The following PCDH19 variants were observed in gnomAD, a reference collection of about 807,000 sequenced individuals.
The protein encoded by PCDH19 is protocadherin 19.
PCDH19 carries 6 observed loss-of-function variants against 46.2 expected under a neutral mutation model. That is an observed-to-expected ratio of 0.13 (90% confidence interval 0.07 to 0.26). The LOEUF (loss-of-function observed/expected upper bound fraction) is 0.26. Among genes scored for constraint, PCDH19 ranks in the 10% least tolerant of loss-of-function variants. The pLI, the probability that PCDH19 is intolerant of heterozygous loss-of-function variation, is 1.00. For missense variants in PCDH19, 740 were observed against 972.3 expected, an observed-to-expected ratio of 0.76 and a Z score of 3.18; for synonymous variants, 481 against 415.7, an observed-to-expected ratio of 1.16 and a Z score of -1.91.
chrX:100,340,198 T>C (rs1301191088), intron 5 of PCDH19, among the ~76,000 whole-genome samples: 1 of 111,868 alleles, frequency 8.9e-6, no homozygotes, highest in Non-Finnish European at 1.9e-5. Flanking sequence ...ACAGTACACA[T>C]ATATAGATAT....
intron 3 of PCDH19, among the ~76,000 whole-genome samples, chrX:100,386,090 T>C (rs779784591): frequency 1.8e-5 from 2 of 111,819 alleles, no homozygotes; most frequent in South Asian, 3.8e-4. Flanking sequence ...TTAGTATTGG[T>C]TGCAGGGAGC....
chrX:100,408,475 G>C lies in PCDH19; in HGVS notation c.123C>G (p.Asn41Lys). Residue 41 changes from asparagine to lysine, a missense_variant, in exon 1 of 6, where the codon AAC becomes AAG. By Grantham distance (94) the Asn-to-Lys change is moderately conservative. Transcript: ENST00000373034. The stretch of plus-strand genomic sequence containing the variant: ...CCGCCTCTCGCGCGTCTTTGGCCAC[G>C]TTGGCAATCACCGTCCCGGCGCGCT... ...EEQRAGTVIANVAKDAREAGF... is the reference protein window; with the variant it reads ...EEQRAGTVIAKVAKDAREAGF... 1 of 1,205,169 alleles carries C rather than the reference G, an allele frequency of 8.3e-7. No homozygotes were observed. The highest frequency in any genetic ancestry group is 1.1e-6 in the Non-Finnish European group (1 of 894,050).
At chrX:100,339,300 T>C (rs1014751335) in intron 5 of PCDH19, among the ~76,000 whole-genome samples, 15 of 111,959 alleles carry the variant, frequency 1.3e-4, no homozygotes, top group African/African-American at 4.5e-4. Context: ...GACTAGTTTT[T>C]TTCTCCTCAA....
At chrX:100,334,488 C>T (rs1165081185) in intron 5 of PCDH19, among the ~76,000 whole-genome samples, 5 of 111,316 alleles carry the variant, frequency 4.5e-5, no homozygotes, top group African/African-American at 1.3e-4. Flanking sequence ...CCCATAAACC[C>T]CAATCTCATA....
chrX:100,345,152 G>A (rs764339732), intron 4 of PCDH19, among the ~76,000 whole-genome samples: 1 of 111,436 alleles, frequency 9.0e-6, no homozygotes, highest in Non-Finnish European at 1.9e-5. Context: ...CTCTGTACAT[G>A]AAGTACCAGA....
At chrX:100,336,712 G>T (rs1177631915) in intron 5 of PCDH19, among the ~76,000 whole-genome samples, 3 of 112,006 alleles carry the variant, frequency 2.7e-5, no homozygotes, top group Non-Finnish European at 5.6e-5. Context: ...AGCATGGAGG[G>T]AAACCAATTC....
At chrX:100,347,536 G>A (rs921065552) in intron 4 of PCDH19, among the ~76,000 whole-genome samples, 4 of 111,586 alleles carry the variant, frequency 3.6e-5, no homozygotes, top group South Asian at 3.8e-4. Flanking sequence ...CAATTTAGGC[G>A]TGCCAACTAT....
chrX:100,343,629 A>G, intron 4 of PCDH19, among the ~76,000 whole-genome samples: 1 of 112,026 alleles, frequency 8.9e-6, no homozygotes, highest in South Asian at 3.8e-4. Context: ...GTATGTCCTG[A>G]CAGAATCCCC....
At chrX:100,401,607 G>A (rs1262935432) in intron 3 of PCDH19, among the ~76,000 whole-genome samples, 1 of 108,506 alleles carries the variant, frequency 9.2e-6, no homozygotes, top group African/African-American at 3.4e-5. Flanking sequence ...AGCCAACATT[G>A]TGCCATTGCA....
At position 100,406,471 on chromosome X, in the gene PCDH19, C is replaced by G; in HGVS notation, c.2127G>C (p.Glu709Asp). The change falls in exon 1 of 6, where the codon GAG (glutamate) becomes GAC (aspartate). Residue 709 changes from glutamate to aspartate, a missense_variant. By Grantham distance (45) the Glu-to-Asp change is conservative (BLOSUM62 2). Transcript: ENST00000373034. ...TTTACCTGCAGTTGTAGGTCCGGAT[C>G]TCTTTGTTGTCTCGCTTGCACTTGA... ...VAIKCKRDNK[E>D]IRTYNCSNCL... The G allele has an allele frequency of 8.3e-7, 1 of 1,205,773 alleles. No homozygotes were observed. Among genetic ancestry groups the G allele is most frequent in the Non-Finnish European group, 1.1e-6 (1 of 891,882 alleles).
In PCDH19 at chrX:100,407,770, G is replaced by A; in HGVS notation, c.828C>T (p.Ser276=). ...TGCGGTCGTTGACGTAGCCATAGAA[G>A]GAGTAGACCACCTGGCCGTTGGTGC... ...DEGTNGQVVY[S]FYGYVNDRTR... The change falls in exon 1 of 6, where the codon TCC becomes TCT. Residue 276 remains serine (S), a synonymous_variant. Coordinates refer to ENST00000373034, the MANE Select transcript of PCDH19 (RefSeq NM_001184880.2). The A allele has an allele frequency of 4.1e-6, 5 of 1,212,397 alleles. No homozygotes were observed. Among genetic ancestry groups the A allele is most frequent in the Non-Finnish European group, 5.6e-6 (5 of 895,616 alleles).
chrX:100,344,322 G>C (rs1445098313), intron 4 of PCDH19, among the ~76,000 whole-genome samples: 1 of 112,114 alleles, frequency 8.9e-6, no homozygotes, highest in Non-Finnish European at 1.9e-5. Flanking sequence ...TTATGGCCAT[G>C]ATGGCCAATT....
At position 100,409,642 on chromosome X, in the gene PCDH19, C is replaced by T; in HGVS notation, c.-1045G>A. On this transcript the variant is annotated 5_prime_UTR_variant, in exon 1 of 6. Coordinates refer to ENST00000373034, the MANE Select transcript of PCDH19 (RefSeq NM_001184880.2). ...CAACAACAGTACCGGCCAGGAGAGGCGGGGCCGCCGCCGTGGGTACCGGGT... is the reference window on the plus strand; with the variant it reads ...CAACAACAGTACCGGCCAGGAGAGGTGGGGCCGCCGCCGTGGGTACCGGGT... 1 of 193,241 alleles carries T rather than the reference C, an allele frequency of 5.2e-6. No individual in the cohort carries two copies. Among genetic ancestry groups the T allele is most frequent in the Non-Finnish European group, 9.3e-6 (1 of 107,982 alleles). The allele number at this position is 193,241 out of a possible 1,213,427, so 15.9% of individuals were successfully genotyped here. A position where few individuals can be genotyped will look rare whatever the true frequency, so the allele number is the denominator to read the frequency against.
At chrX:100,391,332 A>T (rs180811446) in intron 3 of PCDH19, among the ~76,000 whole-genome samples, 237 of 111,948 alleles carry the variant, frequency 2.1e-3, no homozygotes, top group African/African-American at 7.4e-3. Flanking sequence ...CAAATGAAGC[A>T]AGGTTAGAAT....
chrX:100,306,824 T>C (rs994186173), intron 5 of PCDH19, among the ~76,000 whole-genome samples: 1 of 110,797 alleles, frequency 9.0e-6, no homozygotes, highest in Non-Finnish European at 1.9e-5. Context: ...AATGGATAAA[T>C]TCCTGGAAAT....
At chrX:100,373,382 T>G (rs1311746833) in intron 3 of PCDH19, among the ~76,000 whole-genome samples, 1 of 113,005 alleles carries the variant, frequency 8.8e-6, no homozygotes, top group Non-Finnish European at 1.9e-5. Context: ...AAAGTCCTTT[T>G]GTGAACAACA....
At position 100,380,543 on chromosome X, in the gene PCDH19, A is replaced by G. The variant is rs112824328; in HGVS notation, c.2616+21981T>C. Among the ~76,000 whole-genome samples, 657 of 112,147 alleles carry G rather than the reference A, an allele frequency of 5.9e-3. 4 individuals are homozygous for G. Among genetic ancestry groups the G allele is most frequent in the African/African-American group, 0.02 (625 of 30,907 alleles). Reference sequence around the variant, plus strand: ...AGATACTGGAAAAAAATAGCATAGAATGAAATAAATTAATATATCCATAGT... The same window carrying G: ...AGATACTGGAAAAAAATAGCATAGAGTGAAATAAATTAATATATCCATAGT... On this transcript the variant is annotated intron_variant, in intron 3 of 5. Transcript: ENST00000373034.
At chrX:100,342,865 AT>A (rs1412988678) in intron 4 of PCDH19, among the ~76,000 whole-genome samples, 1 of 112,196 alleles carries the variant, frequency 8.9e-6, no homozygotes, top group African/African-American at 3.2e-5. Flanking sequence ...GGAAGGTGTG[AT>A]GTTTAATTTT....
intron 5 of PCDH19, among the ~76,000 whole-genome samples, chrX:100,338,081 C>CT (rs1290584027): frequency 2.7e-5 from 3 of 111,711 alleles, no homozygotes; most frequent in Admixed American, 9.5e-5. Context: ...TGGCTCACGC[C>CT]TGTAATCCCA....
Sources: gnomAD v4.1 joint callset for allele counts (sites outside exome capture counted in the v4.1 genomes callset) on GRCh38, gnomAD v4.1.1 for gene constraint, MANE v1.5 for transcripts, NCBI Gene and HGNC (gene_info 2026-07-23, HGNC 2026-07-21) for gene names.